Variants in ABR observed in about 807,000 individuals in gnomAD.
The protein encoded by ABR is ABR activator of RhoGEF and GTPase, also known as active breakpoint cluster region-related protein.
In ABR, 35 loss-of-function variants were observed where a neutral mutation model predicts 107.2. That is an observed-to-expected ratio of 0.33 (90% CI 0.25 to 0.43). The LOEUF is 0.43. ABR is among the 20% of genes least tolerant of loss of function. The pLI is 1.00. For synonymous variants in ABR, 498 were observed against 462.0 expected, an observed-to-expected ratio of 1.08 and a Z score of -1.00; for missense variants, 815 against 1,115.2, an observed-to-expected ratio of 0.73 and a Z score of 3.83.
upstream of ABR, among the ~76,000 whole-genome samples, chr17:1,183,747 G>C (rs984131361): frequency 6.6e-6 from 1 of 152,142 alleles, no homozygotes; most frequent in African/African-American, 2.4e-5. Context: ...ACAAAAATAT[G>C]TTCCCATGCG....
chr17:1,141,289 T>G (rs1036636471), intron 1 of ABR, among the ~76,000 whole-genome samples: 13 of 152,164 alleles, frequency 8.5e-5, no homozygotes, highest in Admixed American at 8.5e-4. Context: ...CCCCCCATTC[T>G]TTGATTGATG....
chr17:1,205,883 A>G (rs2042779064), intron 1 of ABR, among the ~76,000 whole-genome samples: 1 of 152,158 alleles, frequency 6.6e-6, no homozygotes, highest in African/African-American at 2.4e-5. Flanking sequence ...TGGCGGTTGC[A>G]GTGAGCTGAG....
Position 1,078,816 on chromosome 17 carries a change from T to A in ABR, c.700+514A>T. ...CCCACAGCGAGCACCTGGGTTACCATAGGTGCAGTTACAGCAGAAGCGAAT... is the reference window on the plus strand; with the variant it reads ...CCCACAGCGAGCACCTGGGTTACCAAAGGTGCAGTTACAGCAGAAGCGAAT... On this transcript the variant is annotated intron_variant, in intron 6 of 22. Transcript: ENST00000302538. The surrounding 1 kb of genome is among the most constrained non-coding windows in gnomAD (Gnocchi z 7.5). 6.5e-7 allele frequency: 1 copy of A among 1,535,008 alleles called. No homozygotes were observed. Among genetic ancestry groups the A allele is most frequent in the Non-Finnish European group, 8.7e-7 (1 of 1,146,588 alleles).
In ABR at chr17:1,179,664, T is replaced by C; in HGVS notation, c.61+3A>G. 6.5e-7 allele frequency: 1 copy of C among 1,549,106 alleles called. No individual in the cohort carries two copies. Among genetic ancestry groups the C allele is most frequent in the Non-Finnish European group, 8.7e-7 (1 of 1,147,762 alleles). On this transcript the variant is annotated splice_donor_region_variant and intron_variant, in intron 1 of 22. Coordinates refer to ENST00000302538, the MANE Select transcript of ABR (RefSeq NM_021962.5). The surrounding 1 kb of genome is among the most constrained non-coding windows in gnomAD (Gnocchi z 4.9). ...GGGTCCCGCCCCCGCCCGGCACACGTACTGCTGTAGAGGGTGTCGATCCAG... is the reference window on the plus strand; with the variant it reads ...GGGTCCCGCCCCCGCCCGGCACACGCACTGCTGTAGAGGGTGTCGATCCAG...
At chr17:1,055,328 A>C (rs2033141300) in intron 14 of ABR, 2 of 152,284 alleles carry the variant, frequency 1.3e-5, no homozygotes, top group African/African-American at 4.8e-5. Context: ...GCAGCACACC[A>C]GCGTTGCACA....
At position 1,083,565 on chromosome 17, in the gene ABR, A is replaced by G; in HGVS notation, c.594T>C (p.Ala198=). The stretch of plus-strand genomic sequence containing the variant: ...GGTTGTTGGACTGGCTGCACTTCTC[A>G]GCTGTCTCCAGAGCGACTTTATAGT... ...VDNYKVALET[A]EKCSQSNNQF... The change falls in exon 5 of 23, where the codon GCT becomes GCC. Residue 198 remains alanine, a synonymous_variant. Coordinates refer to ENST00000302538, the MANE Select transcript of ABR (RefSeq NM_021962.5). 6.2e-7 allele frequency: 1 copy of G among 1,612,540 alleles called. No homozygotes were observed.
Position 1,091,848 on chromosome 17 carries a change from G to A in ABR, c.348C>T (p.Pro116=), listed in dbSNP as rs192972045. 1.1e-5 allele frequency: 17 copies of A among 1,612,382 alleles called. No homozygotes were observed. The Middle Eastern group carries it at 5.0e-4, about 47-fold the overall frequency. ...TGGCGGTGGCCTTCAGGGGTTTCAT[G>A]GGCTGGGAGAAACAGAGGAAGAAAG... ...YINQLEALLL[P]MKPLKATATT... is the part of the protein sequence containing the mutation. Residue 116 remains proline, a splice_region_variant and synonymous_variant, in exon 4 of 23, where the codon CCC becomes CCT. Transcript: ENST00000302538.
intron 1 of ABR, among the ~76,000 whole-genome samples, chr17:1,222,923 C>T (rs780586879): frequency 3.2e-4 from 48 of 148,222 alleles, no homozygotes; most frequent in Middle Eastern, 3.4e-3. Context: ...TAAAATAGGC[C>T]AGGGACAGTG....
intron 2 of ABR, among the ~76,000 whole-genome samples, chr17:1,111,612 T>C (rs2038680936): frequency 6.6e-6 from 1 of 152,248 alleles, no homozygotes; most frequent in Non-Finnish European, 1.5e-5. Flanking sequence ...CTTTGGCCTC[T>C]GCAGTCTAGA....
In ABR at chr17:1,092,715, C is replaced by A. The variant is rs1156859287; in HGVS notation, c.346-865G>T. Among the ~76,000 whole-genome samples, 7 of 147,002 alleles carry A rather than the reference C, an allele frequency of 4.8e-5. No individual in the cohort carries two copies. Among genetic ancestry groups the A allele is most frequent in the African/African-American group, 7.4e-5 (3 of 40,438 alleles). ...ATATGAATAATCAGAAAAAAAAAAA[C>A]CAAAGATGACCAGGCTGTACTGCAA... On this transcript the variant is annotated intron_variant, in intron 3 of 22. Transcript: ENST00000302538. The surrounding 1 kb of genome is among the most constrained non-coding windows in gnomAD (Gnocchi z 4.6).
At chr17:1,018,326 GCCA>G (rs1205663347) in intron 16 of ABR, among the ~76,000 whole-genome samples, 1 of 152,228 alleles carries the variant, frequency 6.6e-6, no homozygotes, top group Non-Finnish European at 1.5e-5. Flanking sequence ...ACGGGCGTGA[GCCA>G]CCACGCCTGG....
At chr17:1,206,598 C>T (rs2042791692) in intron 1 of ABR, among the ~76,000 whole-genome samples, 1 of 152,054 alleles carries the variant, frequency 6.6e-6, no homozygotes, top group South Asian at 2.1e-4. Flanking sequence ...TTGTTTAGTG[C>T]CACATCTTGG....
chr17:1,122,075 G>A (rs1483193925), intron 2 of ABR, among the ~76,000 whole-genome samples: 2 of 152,104 alleles, frequency 1.3e-5, no homozygotes, highest in East Asian at 3.9e-4. Context: ...GCTAATTTTT[G>A]TATTTTTAGT....
chr17:1,207,005 AC>A (rs1365027670), intron 1 of ABR, among the ~76,000 whole-genome samples: 2 of 151,856 alleles, frequency 1.3e-5, no homozygotes, highest in Non-Finnish European at 2.9e-5. Flanking sequence ...AATTGCTTGA[AC>A]CCGGGAGGTG....
chr17:1,094,020 T>C (rs2260879), intron 3 of ABR, among the ~76,000 whole-genome samples: 118,490 of 151,476 alleles, frequency 0.78, 46,387 homozygotes, highest in East Asian at 0.89. Flanking sequence ...TGACCCTCGC[T>C]GTGCTAGAAT....
chr17:1,048,283 C>CA (rs2031935262), intron 16 of ABR, among the ~76,000 whole-genome samples: 1 of 152,244 alleles, frequency 6.6e-6, no homozygotes, highest in Non-Finnish European at 1.5e-5. Context: ...TGTTTAGGAA[C>CA]ACGGGGCGTA....
intron 1 of ABR, among the ~76,000 whole-genome samples, chr17:1,198,111 A>T (rs1284365959): frequency 6.6e-6 from 1 of 151,618 alleles, no homozygotes; most frequent in Non-Finnish European, 1.5e-5. Flanking sequence ...CCCCTGCCAC[A>T]ACTAACCAGA....
intron 1 of ABR, among the ~76,000 whole-genome samples, chr17:1,218,395 GAAAATT>G (rs1358948779): frequency 2.6e-5 from 4 of 152,286 alleles, no homozygotes; most frequent in African/African-American, 7.2e-5. Flanking sequence ...GGTCTGTCGG[GAAAATT>G]ATCTAGTCCA....
intron 16 of ABR, among the ~76,000 whole-genome samples, chr17:1,020,946 G>C (rs2071576518): frequency 6.6e-6 from 1 of 152,068 alleles, no homozygotes; most frequent in Admixed American, 6.5e-5. Context: ...TGCTCCCTCG[G>C]AGGTGGCAGA....
Sources: gnomAD v4.1 joint callset for allele counts (sites outside exome capture counted in the v4.1 genomes callset) on GRCh38, gnomAD v4.1.1 for gene constraint, Gnocchi (gnomAD v3.1) non-coding constraint, MANE v1.5 for transcripts, NCBI Gene and HGNC (gene_info 2026-07-23, HGNC 2026-07-21) for gene names.